Variants in LPAR3 observed in about 807,000 individuals in gnomAD.
The protein encoded by LPAR3 is LPA receptor 3.
In LPAR3, 7 loss-of-function variants were observed where a neutral mutation model predicts 17.8. The observed-to-expected ratio is 0.39, with a 90% CI of 0.22 to 0.74. The LOEUF (loss-of-function observed/expected upper bound fraction) is 0.74. Ranked by LOEUF, LPAR3 falls within the 30% of genes least tolerant of loss-of-function variation. The pLI is 0.40. For synonymous variants in LPAR3, 179 were observed against 179.9 expected (o/e 0.99, Z 0.04); for missense variants, 391 against 453.4 (o/e 0.86, Z 1.25).
chr1:84,826,155 A>AATATATACATATTATATGTAT (rs1433727235), intron 2 of LPAR3, among the ~76,000 whole-genome samples: 250 of 151,204 alleles, frequency 1.7e-3, no homozygotes, highest in African/African-American at 5.5e-3. Flanking sequence ...AGCAACATAT[A>AATATATACATATTATATGTAT]ATATATACAT....
intron 1 of LPAR3, among the ~76,000 whole-genome samples, chr1:84,879,988 A>G (rs574646745): frequency 6.6e-6 from 1 of 152,360 alleles, no homozygotes; most frequent in South Asian, 2.1e-4. Flanking sequence ...ATAGCAATTT[A>G]ATTACTCTGA....
In LPAR3 at chr1:84,813,158, T is replaced by TATAGAGAGAGAGAGAGAGAGAG. The variant is rs1206774677; in HGVS notation, c.*687_*688insCTCTCTCTCTCTCTCTCTCTAT. 5.9e-5 allele frequency: 6 copies of TATAGAGAGAGAGAGAGAGAGAG among 101,694 alleles called. No homozygotes were observed. The highest frequency in any genetic ancestry group is 1.5e-4 in the African/African-American group (4 of 27,196). The allele number at this position is 101,694 out of a possible 1,614,324, so 6.3% of individuals were successfully genotyped here. On this transcript the variant is annotated 3_prime_UTR_variant, in exon 3 of 3. Coordinates refer to ENST00000370611, the MANE Select transcript of LPAR3 (RefSeq NM_012152.3). ...ATATATATATATATATATATATATA[T>TATAGAGAGAGAGAGAGAGAGAG]AGACACACACACACACACACACACA...
chr1:84,829,152 A>ATTTTTTTTT (rs56095946), intron 2 of LPAR3, among the ~76,000 whole-genome samples: 27 of 55,550 alleles, frequency 4.9e-4, no homozygotes, highest in African/African-American at 1.4e-3. Flanking sequence ...CCTCTCTGCA[A>ATTTTTTTTT]TTTTTTTTTT....
chr1:84,854,523 C>T (rs2102760401), intron 2 of LPAR3, among the ~76,000 whole-genome samples: 1 of 152,302 alleles, frequency 6.6e-6, no homozygotes, highest in East Asian at 1.9e-4. Context: ...GCCTCCATGT[C>T]ATCTATCTCT....
chr1:84,839,793 G>A, intron 2 of LPAR3, among the ~76,000 whole-genome samples: 1 of 152,182 alleles, frequency 6.6e-6, no homozygotes, highest in East Asian at 1.9e-4. Flanking sequence ...TCCAATTACT[G>A]TGTGACCTGG....
intron 1 of LPAR3, among the ~76,000 whole-genome samples, chr1:84,876,262 A>G (rs754820000): frequency 3.3e-5 from 5 of 152,116 alleles, no homozygotes; most frequent in Non-Finnish European, 7.4e-5. Flanking sequence ...GTGTAAATGA[A>G]TATAACGCAC....
intron 1 of LPAR3, among the ~76,000 whole-genome samples, chr1:84,874,220 G>A (rs1050386237): frequency 5.3e-5 from 8 of 152,100 alleles, no homozygotes; most frequent in African/African-American, 1.4e-4. Flanking sequence ...TAATACAAAC[G>A]CAAAGCTTAA....
At chr1:84,825,791 C>T (rs543033152) in intron 2 of LPAR3, among the ~76,000 whole-genome samples, 1 of 152,304 alleles carries the variant, frequency 6.6e-6, no homozygotes, top group Admixed American at 6.5e-5. Flanking sequence ...GCCTACTATC[C>T]TGCCTTGGTC....
intron 1 of LPAR3, among the ~76,000 whole-genome samples, chr1:84,879,316 C>CTTTTCTTTTT (rs200517029): frequency 5.3e-4 from 64 of 120,622 alleles, no homozygotes; most frequent in South Asian, 1.0e-3. Flanking sequence ...TTTCTTTTTT[C>CTTTTCTTTTT]TTTTTTTTTT....
chr1:84,876,133 C>T (rs537962876), intron 1 of LPAR3, among the ~76,000 whole-genome samples: 1 of 152,332 alleles, frequency 6.6e-6, no homozygotes, highest in Non-Finnish European at 1.5e-5. Flanking sequence ...GAATGCTATG[C>T]CTTGGTTAGG....
At chr1:84,864,678 G>T (rs1660005356) in intron 2 of LPAR3, among the ~76,000 whole-genome samples, 1 of 152,060 alleles carries the variant, frequency 6.6e-6, no homozygotes, top group East Asian at 1.9e-4. Flanking sequence ...AGCAACTTGG[G>T]ACGCTGAGGC....
rs140357449 is a variant in LPAR3 at position 84,851,516 on chromosome 1, T to C, written c.736+13869A>G. Among the ~76,000 whole-genome samples, 199 of 152,354 alleles carry C rather than the reference T, an allele frequency of 1.3e-3. 1 individual carries two copies. The East Asian group carries it at 0.016, about 12-fold the overall frequency. ...GTAAGAGAGGCACTTAGCAAATAAATTTTAATAGAGTGGGTTACTTTTATG... is the reference window on the plus strand; with the variant it reads ...GTAAGAGAGGCACTTAGCAAATAAACTTTAATAGAGTGGGTTACTTTTATG... On this transcript the variant is annotated intron_variant, in intron 2 of 2. Coordinates refer to ENST00000370611, the MANE Select transcript of LPAR3 (RefSeq NM_012152.3).
At chr1:84,821,754 G>T (rs1486263060) in intron 2 of LPAR3, among the ~76,000 whole-genome samples, 1 of 152,184 alleles carries the variant, frequency 6.6e-6, no homozygotes, top group Non-Finnish European at 1.5e-5. Flanking sequence ...TTGTGGAGAT[G>T]GTCAGAGAAG....
chr1:84,836,415 G>A (rs1156895131), intron 2 of LPAR3, among the ~76,000 whole-genome samples: 1 of 149,210 alleles, frequency 6.7e-6, no homozygotes, highest in African/African-American at 2.5e-5. Context: ...CATTAAAATA[G>A]TTAACCAATA....
intron 2 of LPAR3, among the ~76,000 whole-genome samples, chr1:84,827,183 T>A (rs1363489922): frequency 6.6e-6 from 1 of 152,206 alleles, no homozygotes; most frequent in Non-Finnish European, 1.5e-5. Flanking sequence ...ATTGCAGTAT[T>A]AATTTAAAAT....
At chr1:84,881,351 A>G (rs561656847) in intron 1 of LPAR3, among the ~76,000 whole-genome samples, 8 of 152,312 alleles carry the variant, frequency 5.3e-5, no homozygotes, top group African/African-American at 1.7e-4. Context: ...TTCCTTCTCT[A>G]AAACTGGCAT....
chr1:84,880,455 A>T (rs897154246), intron 1 of LPAR3, among the ~76,000 whole-genome samples: 1 of 152,184 alleles, frequency 6.6e-6, no homozygotes, highest in African/African-American at 2.4e-5. Flanking sequence ...TAGTATTACC[A>T]CTTGCAGCCT....
At chr1:84,851,138 TA>T (rs1345417796) in intron 2 of LPAR3, among the ~76,000 whole-genome samples, 2 of 152,268 alleles carry the variant, frequency 1.3e-5, no homozygotes, top group African/African-American at 2.4e-5. Flanking sequence ...AGAGTATGTA[TA>T]AATGCCTGGC....
intron 1 of LPAR3, among the ~76,000 whole-genome samples, chr1:84,870,466 G>A (rs1216395832): frequency 6.6e-6 from 1 of 152,168 alleles, no homozygotes; most frequent in African/African-American, 2.4e-5. Context: ...AAATGAAAAG[G>A]TTCTGTGAAA....
Sources: gnomAD v4.1 joint callset for allele counts (sites outside exome capture counted in the v4.1 genomes callset) on GRCh38, gnomAD v4.1.1 for gene constraint, MANE v1.5 for transcripts, NCBI Gene and HGNC (gene_info 2026-07-23, HGNC 2026-07-21) for gene names.